The following TMEM156 variants were observed in gnomAD, a reference collection of about 807,000 sequenced individuals.
The protein encoded by TMEM156 is transmembrane protein 156.
A neutral mutation model predicts 30.5 loss-of-function variants in TMEM156; 28 were observed. That is an observed-to-expected ratio of 0.92 (90% CI 0.68 to 1.26). The LOEUF is 1.26. TMEM156 is among the 50% of genes most tolerant of loss of function. The pLI, the probability that TMEM156 is intolerant of heterozygous loss-of-function variation, is 0.00. For synonymous variants in TMEM156, 137 were observed against 119.9 expected (o/e 1.14, Z -0.93); for missense variants, 351 against 340.6 (o/e 1.03, Z -0.24).
At chr4:39,001,218 A>C (rs534321261) in intron 1 of TMEM156, among the ~76,000 whole-genome samples, 7 of 149,306 alleles carry the variant, frequency 4.7e-5, no homozygotes, top group Admixed American at 2.7e-4. Flanking sequence ...AAAATACAAA[A>C]AAAAAAAAAA....
chr4:38,971,757 C>A (rs1392411840), intron 5 of TMEM156, among the ~76,000 whole-genome samples: 1 of 152,152 alleles, frequency 6.6e-6, no homozygotes, highest in East Asian at 1.9e-4. Flanking sequence ...ACTTTTGATA[C>A]AAAGCCCTGA....
chr4:38,971,667 C>T (rs978861749), intron 5 of TMEM156, among the ~76,000 whole-genome samples: 8 of 152,142 alleles, frequency 5.3e-5, no homozygotes, highest in African/African-American at 1.9e-4. Flanking sequence ...CATGACATCT[C>T]GTTCATTCTC....
chr4:38,980,373 G>A (rs558571860), intron 5 of TMEM156, among the ~76,000 whole-genome samples: 1 of 152,138 alleles, frequency 6.6e-6, no homozygotes, highest in East Asian at 1.9e-4. Flanking sequence ...AGAGGTGAAA[G>A]TATTTGAAAG....
At chr4:39,032,034 A>G (rs1378379554) in intron 1 of TMEM156, among the ~76,000 whole-genome samples, 192 bp downstream of exon 1, 1 of 152,216 alleles carries the variant, frequency 6.6e-6, no homozygotes, top group Non-Finnish European at 1.5e-5. Flanking sequence ...TATGATAATT[A>G]AGTACTATGA....
chr4:38,986,449 G>C (rs746828056), intron 4 of TMEM156, 30 bp from the exon 5 acceptor site: 1 of 1,502,412 alleles, frequency 6.7e-7, no homozygotes, highest in African/African-American at 1.4e-5. Context: ...GAAGTATTTA[G>C]ATGATAAACA....
At chr4:39,001,863 A>G (rs1713388430) in intron 1 of TMEM156, among the ~76,000 whole-genome samples, 1 of 148,496 alleles carries the variant, frequency 6.7e-6, no homozygotes. Flanking sequence ...CCTTCCTTAC[A>G]CCTTATACAA....
At chr4:38,995,713 C>CA (rs2109965003) in intron 2 of TMEM156, among the ~76,000 whole-genome samples, 1 of 152,146 alleles carries the variant, frequency 6.6e-6, no homozygotes, top group Admixed American at 6.5e-5. Flanking sequence ...GACTCCATCT[C>CA]AAAAAAATAA....
chr4:39,008,518 C>A (rs1713895615), intron 1 of TMEM156, among the ~76,000 whole-genome samples: 1 of 151,990 alleles, frequency 6.6e-6, no homozygotes, highest in South Asian at 2.1e-4. Flanking sequence ...TGTTTTGTTT[C>A]AAAGTTCTAT....
chr4:39,015,692 G>A (rs949626690), intron 1 of TMEM156, among the ~76,000 whole-genome samples: 6 of 152,084 alleles, frequency 3.9e-5, no homozygotes, highest in Non-Finnish European at 7.4e-5. Flanking sequence ...TAACTGATAC[G>A]GTTTGGCTGT....
intron 4 of TMEM156, among the ~76,000 whole-genome samples, chr4:38,987,737 G>T (rs1712105457): frequency 6.6e-6 from 1 of 152,196 alleles, no homozygotes; most frequent in Non-Finnish European, 1.5e-5. Flanking sequence ...TGGTAGTGGT[G>T]ATTATGCTTG....
intron 4 of TMEM156, among the ~76,000 whole-genome samples, chr4:38,986,885 AT>A (rs1712042195): frequency 7.5e-6 from 1 of 132,846 alleles, no homozygotes; most frequent in African/African-American, 2.7e-5. Context: ...AGAAAAGTAT[AT>A]TTTTATCTTA....
chr4:38,975,384 CT>C (rs10711049), intron 5 of TMEM156, among the ~76,000 whole-genome samples: 38,846 of 96,988 alleles, frequency 0.4, 4,011 homozygotes, highest in South Asian at 0.47. Flanking sequence ...TTTTTCTTTT[CT>C]TTTTTTTTTT....
At chr4:38,985,802 A>G (rs1297697965) in intron 5 of TMEM156, among the ~76,000 whole-genome samples, 1 of 152,200 alleles carries the variant, frequency 6.6e-6, no homozygotes, top group Non-Finnish European at 1.5e-5. Flanking sequence ...GAGGCTTCAC[A>G]ATTAGAAGAA....
intron 2 of TMEM156, among the ~76,000 whole-genome samples, chr4:38,997,958 T>A (rs10009736): frequency 0.01 from 1,583 of 152,302 alleles, 30 homozygotes; most frequent in African/African-American, 0.036. Flanking sequence ...GGAGTAGGTA[T>A]AAATGCAAGG....
At chr4:39,017,954 T>C (rs1352230510) in intron 1 of TMEM156, among the ~76,000 whole-genome samples, 2 of 152,208 alleles carry the variant, frequency 1.3e-5, no homozygotes, top group African/African-American at 4.8e-5. Context: ...TTTTTGTCTT[T>C]TTACCTGGAT....
chr4:38,986,401 G>GT lies in TMEM156; in HGVS notation c.757dup (p.Thr253AsnfsTer9). 1.2e-6 allele frequency: 2 copies of GT among 1,613,024 alleles called. No individual in the cohort carries two copies. The highest frequency in any genetic ancestry group is 1.7e-6 in the Non-Finnish European group (2 of 1,179,098). ...ATCACTTCCTCTTAAGAGAACAGAT[G>GT]TAGGTTTGTCTCTATGACCTATTCC... On this transcript the variant is annotated frameshift_variant, in exon 5 of 7. Transcript: ENST00000381938. LOFTEE classifies it high-confidence loss of function.
chr4:39,016,686 A>G (rs1714506673), intron 1 of TMEM156, among the ~76,000 whole-genome samples: 1 of 152,148 alleles, frequency 6.6e-6, no homozygotes, highest in African/African-American at 2.4e-5. Context: ...TTCCAAATAT[A>G]TTACCTATTT....
intron 5 of TMEM156, among the ~76,000 whole-genome samples, chr4:38,975,509 A>G (rs1194783726): frequency 6.6e-6 from 1 of 151,304 alleles, no homozygotes; most frequent in Non-Finnish European, 1.5e-5. Context: ...CAGACTCCCG[A>G]GTAGCTGGAA....
intron 1 of TMEM156, among the ~76,000 whole-genome samples, chr4:39,001,124 A>T (rs1351523847): frequency 6.6e-6 from 1 of 150,930 alleles, no homozygotes; most frequent in Non-Finnish European, 1.5e-5. Context: ...ACAACCGACC[A>T]CTTCGGGAGG....
Sources: allele counts gnomAD v4.1 joint callset (sites outside exome capture counted in the v4.1 genomes callset), GRCh38; gene constraint gnomAD v4.1.1; transcripts MANE v1.5; gene names NCBI Gene and HGNC (gene_info 2026-07-23, HGNC 2026-07-21).